The following ADAMTS9 variants were observed in gnomAD, a reference collection of about 807,000 sequenced individuals.
ADAMTS9 encodes the protein A disintegrin and metalloproteinase with thrombospondin motifs 9.
ADAMTS9 carries 107 observed loss-of-function variants against 257.1 expected under a neutral mutation model. The ratio of observed to expected loss-of-function variants is 0.42; its 90% CI spans 0.36 to 0.49. The LOEUF (loss-of-function observed/expected upper bound fraction) is 0.49, where lower values mean the gene tolerates loss of function less well. Among genes scored for constraint, ADAMTS9 ranks in the 20% least tolerant of loss-of-function variants. The probability of loss-of-function intolerance (pLI) is 0.03; values close to 1 mark genes in which losing one functional copy is unlikely to be tolerated. For missense variants in ADAMTS9, 2,353 were observed against 2,469.1 expected, an observed-to-expected ratio of 0.95 and a Z score of 1.00; for synonymous variants, 982 against 880.9, an observed-to-expected ratio of 1.11 and a Z score of -2.03.
intron 12 of ADAMTS9, among the ~76,000 whole-genome samples, chr3:64,636,411 T>C (rs1700497988): frequency 6.6e-6 from 1 of 152,184 alleles, no homozygotes; most frequent in South Asian, 2.1e-4. Flanking sequence ...GGCGAGTTGC[T>C]TAATCTTGCC....
At position 64,541,198 on chromosome 3, in the gene ADAMTS9, G is replaced by C. The variant is rs138585087; in HGVS notation, c.5418C>G (p.Asn1806Lys). The change falls in exon 36 of 40, where the codon AAC (asparagine) becomes AAG (lysine). Residue 1806 changes from asparagine (N) to lysine (K), a missense_variant. Asn to Lys is a moderately conservative substitution (Grantham distance 94). Coordinates refer to ENST00000498707, the MANE Select transcript of ADAMTS9 (RefSeq NM_182920.2). ...RLHNPTECPY[N>K]GSRRDDCQCR... Reference sequence around the variant, plus strand: ...ATTGGCAGTCATCGCGCCGGCTCCCGTTATAGGGACATTCTGTTGGGTTGT... The same window carrying C: ...ATTGGCAGTCATCGCGCCGGCTCCCCTTATAGGGACATTCTGTTGGGTTGT... The C allele has an allele frequency of 6.2e-7, 1 of 1,614,174 alleles. No homozygotes were observed. Among genetic ancestry groups the C allele is most frequent in the Non-Finnish European group, 8.5e-7 (1 of 1,180,020 alleles).
At chr3:64,618,654 C>T (rs1042602704) in intron 19 of ADAMTS9, among the ~76,000 whole-genome samples, 20 of 152,030 alleles carry the variant, frequency 1.3e-4, no homozygotes, top group African/African-American at 4.8e-4. Context: ...GTGAGGCAAG[C>T]CATGTGTAGC....
chr3:64,581,521 C>T (rs934321537), intron 28 of ADAMTS9, among the ~76,000 whole-genome samples: 2 of 152,116 alleles, frequency 1.3e-5, no homozygotes, highest in African/African-American at 2.4e-5. Flanking sequence ...CCTTGGGCTT[C>T]CCAAAGTGAG....
chr3:64,638,399 G>T (rs921231517), intron 12 of ADAMTS9, among the ~76,000 whole-genome samples: 1 of 152,222 alleles, frequency 6.6e-6, no homozygotes. Context: ...ATGTTTTGGA[G>T]GTTCTGATTT....
chr3:64,592,121 G>C (rs1016621645), intron 28 of ADAMTS9, among the ~76,000 whole-genome samples: 1 of 152,102 alleles, frequency 6.6e-6, no homozygotes. Flanking sequence ...TTTAGGAAAA[G>C]TAATATATTA....
chr3:64,578,363 T>C (rs1559774103), intron 28 of ADAMTS9, among the ~76,000 whole-genome samples: 1 of 151,532 alleles, frequency 6.6e-6, no homozygotes, highest in Non-Finnish European at 1.5e-5. Flanking sequence ...AAAATGTAAA[T>C]GGCTCACAAC....
chr3:64,685,628 C>T (rs771306284), intron 2 of ADAMTS9, among the ~76,000 whole-genome samples: 1 of 152,200 alleles, frequency 6.6e-6, no homozygotes, highest in Non-Finnish European at 1.5e-5. Flanking sequence ...CTGGAGGGCA[C>T]ATGCGGGGGT....
intron 36 of ADAMTS9, among the ~76,000 whole-genome samples, chr3:64,540,667 C>T (rs961208039): frequency 6.6e-6 from 1 of 152,156 alleles, no homozygotes; most frequent in African/African-American, 2.4e-5. Context: ...AGCTCTGCTT[C>T]CCCCACACTG....
intron 29 of ADAMTS9, chr3:64,562,981 G>A (rs2083453640): frequency 6.6e-6 from 1 of 152,206 alleles, no homozygotes; most frequent in Non-Finnish European, 1.5e-5. Context: ...CCAGAGAGGA[G>A]AACCATATGT....
At chr3:64,647,643 C>A (rs558352075) in intron 11 of ADAMTS9, among the ~76,000 whole-genome samples, 5 of 152,170 alleles carry the variant, frequency 3.3e-5, no homozygotes, top group Non-Finnish European at 5.9e-5. Context: ...ATTAAATGTT[C>A]CCATAGGCAC....
At chr3:64,582,264 C>A (rs999392817) in intron 28 of ADAMTS9, among the ~76,000 whole-genome samples, 3 of 152,090 alleles carry the variant, frequency 2.0e-5, no homozygotes, top group Non-Finnish European at 4.4e-5. Context: ...ATAGGAAAGC[C>A]AAGTTAATGC....
At chr3:64,647,046 G>T (rs1002535188) in intron 11 of ADAMTS9, among the ~76,000 whole-genome samples, 50 of 152,134 alleles carry the variant, frequency 3.3e-4, no homozygotes, top group Non-Finnish European at 4.3e-4. Flanking sequence ...AAGGAAATGA[G>T]ATGAGAATAA....
At chr3:64,646,037 T>A (rs1252236218) in intron 11 of ADAMTS9, among the ~76,000 whole-genome samples, 1 of 152,224 alleles carries the variant, frequency 6.6e-6, no homozygotes, top group Non-Finnish European at 1.5e-5. Context: ...TTTTACTAAA[T>A]GCAAGTCATT....
rs191717500 is a variant in ADAMTS9 at position 64,656,567 on chromosome 3, A to G, written c.970-692T>C. On this transcript the variant is annotated intron_variant, in intron 4 of 39. Coordinates refer to ENST00000498707, the MANE Select transcript of ADAMTS9 (RefSeq NM_182920.2). ...TGTCTGAGGCTACACACTGGTGAGT[A>G]GAAGAGCCAGAACTCTCAACCTAGG... 2.6e-5 allele frequency among the ~76,000 whole-genome samples: 4 copies of G among 152,330 alleles called. No individual in the cohort carries two copies. The East Asian group carries it at 7.7e-4, about 29-fold the overall frequency.
In ADAMTS9 at chr3:64,539,263, T is replaced by C. The variant is rs761165505; in HGVS notation, c.5553A>G (p.Glu1851=). 1.9e-6 allele frequency: 3 copies of C among 1,614,070 alleles called. No individual in the cohort carries two copies. The highest frequency in any genetic ancestry group is 2.5e-6 in the Non-Finnish European group (3 of 1,179,954). The change falls in exon 37 of 40, where the codon GAA becomes GAG. Residue 1851 remains glutamate, a synonymous_variant. Coordinates refer to ENST00000498707, the MANE Select transcript of ADAMTS9 (RefSeq NM_182920.2). ...TTDLQFARTS[E]GHPVPFATAG... ...CTGTGGCAAAAGGGACGGGATGTCC[T>C]TCGCTTGTCCTTGCAAACTGTAAGT...
At chr3:64,681,396 A>T in intron 2 of ADAMTS9, 33 bp from the exon 3 acceptor site, 1 of 1,583,284 alleles carries the variant, frequency 6.3e-7, no homozygotes, top group East Asian at 2.3e-5. Context: ...GGTTGATTTA[A>T]CGTAACTCAG....
intron 19 of ADAMTS9, among the ~76,000 whole-genome samples, chr3:64,620,538 A>G (rs1214691621): frequency 6.6e-6 from 1 of 152,222 alleles, no homozygotes; most frequent in Non-Finnish European, 1.5e-5. Flanking sequence ...GCAGGCAAAT[A>G]GAAAAGCTTC....
chr3:64,619,632 G>A (rs537291374), intron 19 of ADAMTS9, among the ~76,000 whole-genome samples: 6 of 152,104 alleles, frequency 3.9e-5, no homozygotes, highest in South Asian at 4.2e-4. Context: ...GATAATATAA[G>A]AACAATCCTA....
At position 64,631,544 on chromosome 3, in the gene ADAMTS9, T is replaced by G. The variant is rs199649259; in HGVS notation, c.2300A>C (p.Asn767Thr). The G allele has an allele frequency of 6.2e-7, 1 of 1,613,718 alleles. No homozygotes were observed. Among genetic ancestry groups the G allele is most frequent in the Admixed American group, 1.7e-5 (1 of 60,022 alleles). Residue 767 changes from asparagine to threonine, a missense_variant, in exon 16 of 40, where the codon AAT becomes ACT. Transcript: ENST00000498707. Reference sequence around the variant, plus strand: ...ACCAGCTGGAATTCGGACCACAGTATTGTAACCTGAAAAGAATTTAGCAGA... The same window carrying G: ...ACCAGCTGGAATTCGGACCACAGTAGTGTAACCTGAAAAGAATTTAGCAGA... The part of the protein sequence containing the change: ...GTFNTVHYGY[N>T]TVVRIPAGAT...
Sources: allele counts gnomAD v4.1 joint callset (sites outside exome capture counted in the v4.1 genomes callset), GRCh38; gene constraint gnomAD v4.1.1; transcripts MANE v1.5; gene names NCBI Gene and HGNC (gene_info 2026-07-23, HGNC 2026-07-21).